Variants in QKI observed in about 807,000 individuals in gnomAD.
The protein encoded by QKI is KH domain-containing RNA-binding protein QKI.
A neutral mutation model predicts 39.0 loss-of-function variants in QKI; 10 were observed. The ratio of observed to expected loss-of-function variants is 0.26; its 90% CI spans 0.16 to 0.43. The LOEUF (loss-of-function observed/expected upper bound fraction) is 0.43, where lower values mean the gene tolerates loss of function less well. QKI is among the 20% of genes least tolerant of loss of function. The probability of loss-of-function intolerance (pLI) is 1.00; values close to 1 mark genes in which losing one functional copy is unlikely to be tolerated. For missense variants in QKI, 218 were observed against 428.0 expected (o/e 0.51, Z 4.33); for synonymous variants, 204 against 155.4 (o/e 1.31, Z -2.33).
intron 3 of QKI, among the ~76,000 whole-genome samples, chr6:163,512,417 T>G (rs1779540909): frequency 6.6e-6 from 1 of 152,076 alleles, no homozygotes; most frequent in South Asian, 2.1e-4. Context: ...TAGAAAGTTC[T>G]AAAGTATATA....
At position 163,572,613 on chromosome 6, in the gene QKI, G is replaced by T. The variant is rs1247903102; in HGVS notation, c.*1903G>T. 1 of 142,420 alleles carries T rather than the reference G, an allele frequency of 7.0e-6. No homozygotes were observed. The highest frequency in any genetic ancestry group is 1.5e-5 in the Non-Finnish European group (1 of 67,148). 8.8% of individuals were successfully genotyped at this position (142,420 alleles called of 1,614,324 possible). A position where few individuals can be genotyped will look rare whatever the true frequency, so the allele number is the denominator to read the frequency against. On this transcript the variant is annotated 3_prime_UTR_variant, in exon 8 of 8. Coordinates refer to ENST00000361752, the MANE Select transcript of QKI (RefSeq NM_006775.3). ...GTGCAAAGCCTACATCTAAACACTT[G>T]AGTGAATAATCATTAACTGCTCAGT...
chr6:163,494,760 G>T (rs751794731), intron 3 of QKI, among the ~76,000 whole-genome samples: 1 of 151,904 alleles, frequency 6.6e-6, no homozygotes, highest in Non-Finnish European at 1.5e-5. Flanking sequence ...TGCTGAGGTG[G>T]TGTCTAGGAT....
intron 2 of QKI, among the ~76,000 whole-genome samples, chr6:163,473,367 T>C (rs1190861340): frequency 6.6e-6 from 1 of 152,112 alleles, no homozygotes; most frequent in South Asian, 2.1e-4. Context: ...AATGCTAGCC[T>C]AGATTCAGGA....
chr6:163,491,259 C>T (rs552027675), intron 3 of QKI, among the ~76,000 whole-genome samples: 1 of 152,222 alleles, frequency 6.6e-6, no homozygotes, highest in South Asian at 2.1e-4. Flanking sequence ...TATTTAACCC[C>T]ATTTAAAACT....
intron 2 of QKI, among the ~76,000 whole-genome samples, chr6:163,461,123 GT>G (rs1791318630): frequency 6.6e-6 from 1 of 152,148 alleles, no homozygotes; most frequent in Non-Finnish European, 1.5e-5. Context: ...GATCGGTTTA[GT>G]AAAAGCCAAT....
chr6:163,562,669 A>G (rs1429506700), intron 5 of QKI, among the ~76,000 whole-genome samples: 2 of 152,226 alleles, frequency 1.3e-5, no homozygotes, highest in Non-Finnish European at 2.9e-5. Flanking sequence ...ATAATGTGAA[A>G]TTTATATTTT....
At chr6:163,431,193 G>A (rs575280775) in intron 1 of QKI, among the ~76,000 whole-genome samples, 3 of 151,974 alleles carry the variant, frequency 2.0e-5, no homozygotes, top group South Asian at 2.1e-4. Flanking sequence ...AAAAAAAAAA[G>A]TTATATTATT....
chr6:163,577,454 TCTG>T lies in QKI; in HGVS notation c.*6747_*6749del, dbSNP rs1450913493. 6.6e-6 allele frequency: 1 copy of T among 151,816 alleles called. No individual in the cohort carries two copies. Among genetic ancestry groups the T allele is most frequent in the Non-Finnish European group, 1.5e-5 (1 of 67,972 alleles). The allele number at this position is 151,816 out of a possible 1,614,324, so 9.4% of individuals were successfully genotyped here. A position where few individuals can be genotyped will look rare whatever the true frequency, so the allele number is the denominator to read the frequency against. ...ATTTTTTTTTTAATTCTTCACAAAA[TCTG>T]CTCTTCCTGAAAGATCAAAGTGTCT... is the stretch of plus-strand genomic sequence containing the variant. On this transcript the variant is annotated 3_prime_UTR_variant, in exon 8 of 8. Coordinates refer to ENST00000361752, the MANE Select transcript of QKI (RefSeq NM_006775.3).
At chr6:163,499,194 T>C (rs1012503157) in intron 3 of QKI, among the ~76,000 whole-genome samples, 4 of 152,186 alleles carry the variant, frequency 2.6e-5, no homozygotes, top group African/African-American at 9.7e-5. Context: ...TCAACGTGTT[T>C]TGCTGAAAAA....
At position 163,570,720 on chromosome 6, in the gene QKI, T is replaced by G; in HGVS notation, c.*10T>G. On this transcript the variant is annotated 3_prime_UTR_variant, in exon 8 of 8. Coordinates refer to ENST00000361752, the MANE Select transcript of QKI (RefSeq NM_006775.3). ...CGCCACCGGCAACTAACCTATGACC[T>G]TCTGACCTCTGAACTCTTCACCCAA... 2 of 1,613,268 alleles carry G rather than the reference T, an allele frequency of 1.2e-6. No homozygotes were observed. Among genetic ancestry groups the G allele is most frequent in the Non-Finnish European group, 1.7e-6 (2 of 1,179,628 alleles).
intron 2 of QKI, among the ~76,000 whole-genome samples, chr6:163,462,289 A>G (rs1210387754): frequency 6.6e-6 from 1 of 152,124 alleles, no homozygotes; most frequent in Non-Finnish European, 1.5e-5. Context: ...TAAACCCAGG[A>G]TTTACAACAA....
intron 1 of QKI, among the ~76,000 whole-genome samples, chr6:163,446,585 A>G (rs753129907): frequency 2.4e-4 from 37 of 152,318 alleles, no homozygotes; most frequent in Non-Finnish European, 4.3e-4. Flanking sequence ...ATAGATGGGG[A>G]CTGGCTTCCC....
chr6:163,565,340 A>G, intron 6 of QKI: 1 of 986,394 alleles, frequency 1.0e-6, no homozygotes, highest in Non-Finnish European at 1.2e-6. Context: ...GACTTCCTGC[A>G]GGGCTGGGGC....
rs116245610 is a variant in QKI at position 163,494,005 on chromosome 6, A to G, written c.402+15109A>G. On this transcript the variant is annotated intron_variant, in intron 3 of 7. Coordinates refer to ENST00000361752, the MANE Select transcript of QKI (RefSeq NM_006775.3). ...TGAAAAAATAAAAAATTATACATGC[A>G]GAATAATTACAAGGCTAACAAAGTG... Among the ~76,000 whole-genome samples the G allele has an allele frequency of 2.7e-3, 417 of 152,170 alleles. 3 individuals carry two copies. The highest frequency in any genetic ancestry group is 9.6e-3 in the African/African-American group (398 of 41,564).
chr6:163,492,080 G>A (rs1007557251), intron 3 of QKI, among the ~76,000 whole-genome samples: 2 of 152,298 alleles, frequency 1.3e-5, no homozygotes, highest in African/African-American at 4.8e-5. Flanking sequence ...CTTTTTAGAG[G>A]ATTCAGCTCT....
chr6:163,504,708 CTT>C (rs1317640531), intron 3 of QKI, among the ~76,000 whole-genome samples: 1 of 152,150 alleles, frequency 6.6e-6, no homozygotes, highest in African/African-American at 2.4e-5. Flanking sequence ...GATCCTGAAA[CTT>C]TACTGTGAAG....
intron 3 of QKI, among the ~76,000 whole-genome samples, chr6:163,502,598 TC>T (rs1166879965): frequency 6.6e-6 from 1 of 152,172 alleles, no homozygotes; most frequent in African/African-American, 2.4e-5. Flanking sequence ...GTAGGTTGAA[TC>T]TAAGAGAAAA....
chr6:163,508,332 A>T (rs186033750), intron 3 of QKI, among the ~76,000 whole-genome samples: 142 of 152,294 alleles, frequency 9.3e-4, no homozygotes, highest in Non-Finnish European at 1.8e-3. Context: ...ACACTGAGTT[A>T]CATCAGAGGG....
At chr6:163,486,005 T>C (rs554231767) in intron 3 of QKI, among the ~76,000 whole-genome samples, 146 of 152,362 alleles carry the variant, frequency 9.6e-4, no homozygotes, top group Non-Finnish European at 1.4e-3. Context: ...ATTCAAAGCC[T>C]TCCTGGGCCG....
Sources: gnomAD v4.1 joint callset for allele counts (sites outside exome capture counted in the v4.1 genomes callset) on GRCh38, gnomAD v4.1.1 for gene constraint, MANE v1.5 for transcripts, NCBI Gene and HGNC (gene_info 2026-07-23, HGNC 2026-07-21) for gene names.